Variants in MGAT4C observed in about 807,000 individuals in gnomAD.
The protein encoded by MGAT4C is MGAT4 family member C, also known as alpha-1,3-mannosyl-glycoprotein 4-beta-N-acetylglucosaminyltransferase C.
MGAT4C carries 19 observed loss-of-function variants against 40.1 expected under a neutral mutation model. The observed-to-expected ratio is 0.47, with a 90% CI of 0.33 to 0.70. The LOEUF is 0.70. Among genes scored for constraint, MGAT4C ranks in the 30% least tolerant of loss-of-function variants. The pLI, the probability that MGAT4C is intolerant of heterozygous loss-of-function variation, is 0.02. For synonymous variants in MGAT4C, 181 were observed against 187.1 expected (o/e 0.97, Z 0.27); for missense variants, 491 against 563.2 (o/e 0.87, Z 1.30).
chr12:85,990,781 G>C (rs1885819369), intron 2 of MGAT4C, among the ~76,000 whole-genome samples: 1 of 151,952 alleles, frequency 6.6e-6, no homozygotes, highest in African/African-American at 2.4e-5. Context: ...TTTCTTAAGG[G>C]TTATTTTTCT....
At chr12:86,020,125 T>C (rs1450936583) in intron 2 of MGAT4C, among the ~76,000 whole-genome samples, 1 of 152,176 alleles carries the variant, frequency 6.6e-6, no homozygotes, top group Non-Finnish European at 1.5e-5. Context: ...TATACAATCA[T>C]GTCATCTGCA....
rs1222743496 is a variant in MGAT4C at position 86,603,306 on chromosome 12, TTATA to T, written c.-229+123899_-229+123902del. ...TAATTATATATAGTATAGCATATAA[TTATA>T]TAGTATATATATAAAATTATATAGT... On this transcript the variant is annotated intron_variant, in intron 2 of 7. Transcript: ENST00000548651. Among the ~76,000 whole-genome samples the T allele has an allele frequency of 1.5e-3, 206 of 139,752 alleles. 1 individual carries two copies. Among genetic ancestry groups the T allele is most frequent in the African/African-American group, 5.3e-3 (203 of 38,000 alleles). 91.7% of individuals were successfully genotyped at this position (139,752 alleles called of 152,430 possible). A position where few individuals can be genotyped will look rare whatever the true frequency, so the allele number is the denominator to read the frequency against.
At chr12:86,489,191 G>A (rs1244008100) in intron 2 of MGAT4C, among the ~76,000 whole-genome samples, 1 of 152,148 alleles carries the variant, frequency 6.6e-6, no homozygotes, top group African/African-American at 2.4e-5. Flanking sequence ...ACAGTGGCTG[G>A]TTGAGGCAAC....
chr12:86,657,070 C>A (rs1251447782), intron 2 of MGAT4C, among the ~76,000 whole-genome samples: 2 of 151,890 alleles, frequency 1.3e-5, no homozygotes, highest in African/African-American at 4.8e-5. Flanking sequence ...ACTTTTGCAT[C>A]CTAAAAGTGA....
In MGAT4C at chr12:86,323,812, C is replaced by T. The variant is rs149319728; in HGVS notation, c.-57+10253G>A. Among the ~76,000 whole-genome samples the T allele has an allele frequency of 1.1e-3, 160 of 151,944 alleles. 1 individual carries two copies. The highest frequency in any genetic ancestry group is 6.8e-3 in the Middle Eastern group (2 of 294). On this transcript the variant is annotated intron_variant, in intron 4 of 7. Coordinates refer to the MGAT4C transcript ENST00000548651. The stretch of plus-strand genomic sequence containing the variant: ...TGATGCTTCCGACAATTCCTATTAT[C>T]GCAATTTGATATTTAAATCAAGAAC...
At chr12:86,426,309 T>C (rs1956925011) in intron 3 of MGAT4C, among the ~76,000 whole-genome samples, 2 of 152,102 alleles carry the variant, frequency 1.3e-5, no homozygotes, top group South Asian at 4.1e-4. Context: ...GGCTCACGAG[T>C]TTTCTGCATT....
At chr12:86,702,865 G>T (rs953114118) in intron 2 of MGAT4C, among the ~76,000 whole-genome samples, 1 of 152,122 alleles carries the variant, frequency 6.6e-6, no homozygotes, top group South Asian at 2.1e-4. Flanking sequence ...ATCTTCTATA[G>T]AGAGAGAATC....
At chr12:86,133,205 G>T (rs1881486251) in intron 1 of MGAT4C, among the ~76,000 whole-genome samples, 1 of 152,208 alleles carries the variant, frequency 6.6e-6, no homozygotes, top group South Asian at 2.1e-4. Context: ...GAAAGCACAT[G>T]TTAAGTAATT....
chr12:86,168,272 C>T (rs752527632), intron 1 of MGAT4C, among the ~76,000 whole-genome samples: 2 of 152,098 alleles, frequency 1.3e-5, no homozygotes, highest in Non-Finnish European at 2.9e-5. Flanking sequence ...CTTAAACTCC[C>T]AACTACAAAG....
intron 1 of MGAT4C, among the ~76,000 whole-genome samples, chr12:86,815,836 T>C (rs978897497): frequency 2.5e-5 from 3 of 120,032 alleles, no homozygotes; most frequent in African/African-American, 9.6e-5. Context: ...AATGATACAA[T>C]GGACTTGGGG....
rs568645950 is a variant in MGAT4C, at chr12:86,146,347, T to C, written c.-56-96624A>G. On this transcript the variant is annotated intron_variant, in intron 1 of 4. Coordinates refer to ENST00000611864, the MANE Select transcript of MGAT4C (RefSeq NM_001351288.2). ...CATCGTGTTTTCACTTCAACACATA[T>C]TTGTTTATTCAATTAGTTAAGAGAT... Among the ~76,000 whole-genome samples the C allele has an allele frequency of 5.9e-5, 9 of 152,300 alleles. 1 individual carries two copies. In the South Asian group the frequency reaches 1.2e-3, roughly 21 times the overall value.
At chr12:86,231,493 A>C (rs1177431664) in intron 1 of MGAT4C, among the ~76,000 whole-genome samples, 1 of 152,206 alleles carries the variant, frequency 6.6e-6, no homozygotes, top group Non-Finnish European at 1.5e-5. Context: ...AATTAATCAA[A>C]TAATCTAATT....
intron 1 of MGAT4C, among the ~76,000 whole-genome samples, chr12:86,064,716 G>C (rs1057326546): frequency 3.9e-5 from 6 of 152,088 alleles, no homozygotes; most frequent in African/African-American, 1.4e-4. Context: ...ACTGAGATCA[G>C]AGCAGAACTG....
intron 2 of MGAT4C, among the ~76,000 whole-genome samples, chr12:86,508,168 A>G (rs1241506412): frequency 6.6e-6 from 1 of 152,106 alleles, no homozygotes; most frequent in East Asian, 1.9e-4. Context: ...CTAACTCGTC[A>G]TCTAGCATTA....
intron 2 of MGAT4C, among the ~76,000 whole-genome samples, chr12:86,667,215 T>C (rs1467840092): frequency 6.6e-6 from 1 of 151,984 alleles, no homozygotes; most frequent in Non-Finnish European, 1.5e-5. Context: ...ATCAGGTAGA[T>C]TAACTAAGAA....
rs1565980916 is a variant in MGAT4C at position 86,773,942 on chromosome 12, C to CTTTTTTTTTTTTTTTTTT, written c.-261-46702_-261-46701insAAAAAAAAAAAAAAAAAA. Among the ~76,000 whole-genome samples the CTTTTTTTTTTTTTTTTTT allele has an allele frequency of 2.0e-4, 21 of 106,518 alleles. 9 individuals carry two copies. The highest frequency in any genetic ancestry group is 1.1e-4 in the Non-Finnish European group (6 of 52,284). The allele number at this position is 106,518 out of a possible 152,430, so 69.9% of individuals were successfully genotyped here. On this transcript the variant is annotated intron_variant, in intron 1 of 7. Transcript: ENST00000548651. ...ACAGGTTCACATTTTTTTAAAGTAA[C>CTTTTTTTTTTTTTTTTTT]TTCTTTTTTTTTTTTTTTTTTTTTT...
intron 3 of MGAT4C, among the ~76,000 whole-genome samples, chr12:86,424,158 T>C (rs1956881265): frequency 6.6e-6 from 1 of 152,204 alleles, no homozygotes; most frequent in Admixed American, 6.5e-5. Flanking sequence ...ATTAGAAGCA[T>C]TGTGTTTAAA....
At chr12:86,567,423 A>G (rs1217283924) in intron 2 of MGAT4C, among the ~76,000 whole-genome samples, 7 of 152,152 alleles carry the variant, frequency 4.6e-5, no homozygotes, top group African/African-American at 1.7e-4. Flanking sequence ...AAAGAGTTAC[A>G]GTGTTGGCTA....
intron 2 of MGAT4C, among the ~76,000 whole-genome samples, chr12:86,661,742 G>A (rs911155041): frequency 1.3e-5 from 2 of 151,866 alleles, no homozygotes; most frequent in African/African-American, 2.4e-5. Flanking sequence ...GGTCAGGTTC[G>A]AGACCAGCCA....
Sources: gnomAD v4.1 joint callset for allele counts (sites outside exome capture counted in the v4.1 genomes callset) on GRCh38, gnomAD v4.1.1 for gene constraint, MANE v1.5 for transcripts, NCBI Gene and HGNC (gene_info 2026-07-23, HGNC 2026-07-21) for gene names.